The following ADAM32 variants were observed in gnomAD, a reference collection of about 807,000 sequenced individuals.
ADAM32 encodes the protein disintegrin and metalloproteinase domain-containing protein 32.
Under a neutral mutation model 114.9 loss-of-function variants are expected in ADAM32, and 89 were observed. The ratio of observed to expected loss-of-function variants is 0.77; its 90% CI spans 0.65 to 0.92. The LOEUF (loss-of-function observed/expected upper bound fraction) is 0.92. Among genes scored for constraint, ADAM32 ranks in the 40% least tolerant of loss-of-function variants. The pLI is 0.00. For missense variants in ADAM32, 870 were observed against 932.8 expected, an observed-to-expected ratio of 0.93 and a Z score of 0.88; for synonymous variants, 285 against 307.5, an observed-to-expected ratio of 0.93 and a Z score of 0.77.
In ADAM32 at chr8:39,160,925, C is replaced by G; in HGVS notation, c.554C>G (p.Pro185Arg). 6.3e-7 allele frequency: 1 copy of G among 1,598,014 alleles called. No homozygotes were observed. The highest frequency in any genetic ancestry group is 8.5e-7 in the Non-Finnish European group (1 of 1,172,842). The change falls in exon 7 of 25, where the codon CCT (proline) becomes CGT (arginine). Residue 185 changes from proline (P) to arginine (R), a missense_variant. Coordinates refer to ENST00000379907, the MANE Select transcript of ADAM32 (RefSeq NM_145004.7). The stretch of plus-strand genomic sequence containing the variant: ...GAACCAGCTGTTCCAGATTTATTTC[C>G]TCTTTATCTAGAAATGCATATTGTG... ...KSEPAVPDLF[P>R]LYLEMHIVVD...
At chr8:39,261,676 G>A (rs1812038873) in intron 19 of ADAM32, among the ~76,000 whole-genome samples, 1 of 152,078 alleles carries the variant, frequency 6.6e-6, no homozygotes, top group Non-Finnish European at 1.5e-5. Context: ...CCCATCAACA[G>A]TGTCCCTTTT....
intron 2 of ADAM32, among the ~76,000 whole-genome samples, chr8:39,120,215 C>T (rs1236074432): frequency 6.6e-6 from 1 of 152,084 alleles, no homozygotes; most frequent in Non-Finnish European, 1.5e-5. Context: ...AAGTGGGGTG[C>T]TGCTGTAACA....
At position 39,165,027 on chromosome 8, in the gene ADAM32, T is replaced by C. The variant is rs904007383; in HGVS notation, c.667-3T>C. The stretch of plus-strand genomic sequence containing the variant: ...TGCATGTATTTATCTCTTCTGTTTT[T>C]AGATGTTCACCCAATTTAAAGTTAC... On this transcript the variant is annotated splice_polypyrimidine_tract_variant and splice_region_variant and intron_variant, in intron 8 of 24. Coordinates refer to ENST00000379907, the MANE Select transcript of ADAM32 (RefSeq NM_145004.7). 3 of 1,588,902 alleles carry C rather than the reference T, an allele frequency of 1.9e-6. No individual in the cohort carries two copies. In the African/African-American group the frequency reaches 4.1e-5, roughly 22 times the overall value.
At chr8:39,141,822 T>C (rs1803173463) in intron 3 of ADAM32, among the ~76,000 whole-genome samples, 1 of 152,138 alleles carries the variant, frequency 6.6e-6, no homozygotes, top group Non-Finnish European at 1.5e-5. Flanking sequence ...TGTGTGGGAG[T>C]CTAAGTCTCT....
intron 19 of ADAM32, among the ~76,000 whole-genome samples, chr8:39,266,594 C>A (rs1000107572): frequency 6.6e-6 from 1 of 152,120 alleles, no homozygotes; most frequent in Non-Finnish European, 1.5e-5. Context: ...TGAGTTTCGA[C>A]CTTCTGTATG....
At chr8:39,157,482 TCAG>T in intron 6 of ADAM32, 1 of 369,354 alleles carries the variant, frequency 2.7e-6, no homozygotes. Context: ...TCTTTTTTTT[TCAG>T]TGTCAGATAA....
At chr8:39,192,361 G>A (rs1476357737) in intron 11 of ADAM32, among the ~76,000 whole-genome samples, 1 of 152,002 alleles carries the variant, frequency 6.6e-6, no homozygotes, top group East Asian at 1.9e-4. Flanking sequence ...TTCTCCATTT[G>A]CTTGGTAGAT....
In ADAM32 at chr8:39,247,149, G is replaced by A. The variant is rs369718611; in HGVS notation, c.1902+983G>A. Among the ~76,000 whole-genome samples the A allele has an allele frequency of 1.5e-4, 23 of 152,224 alleles. No homozygotes were observed. In the East Asian group the frequency reaches 3.9e-3, roughly 26 times the overall value. ...TCCAAGTTTGGTAATTACAAATAAA[G>A]TTTCTATAAACATCCTTCTGCAGGT... On this transcript the variant is annotated intron_variant, in intron 17 of 24. Coordinates refer to ENST00000379907, the MANE Select transcript of ADAM32 (RefSeq NM_145004.7).
At chr8:39,273,586 GTTA>G (rs1256045481) in intron 20 of ADAM32, among the ~76,000 whole-genome samples, 1 of 152,024 alleles carries the variant, frequency 6.6e-6, no homozygotes, top group Non-Finnish European at 1.5e-5. Flanking sequence ...ACCAAAACCA[GTTA>G]TTATTATCAT....
At chr8:39,120,190 G>A (rs1023875599) in intron 2 of ADAM32, among the ~76,000 whole-genome samples, 3 of 152,138 alleles carry the variant, frequency 2.0e-5, no homozygotes, top group East Asian at 1.9e-4. Flanking sequence ...AGAGTAATCC[G>A]ATTTTGGTAT....
At chr8:39,113,618 T>C (rs375646408) in intron 1 of ADAM32, among the ~76,000 whole-genome samples, 27 of 152,230 alleles carry the variant, frequency 1.8e-4, no homozygotes, top group South Asian at 6.2e-4. Context: ...CCAAGAAACT[T>C]TGGGGTTGTA....
rs1258019709 is a variant in ADAM32 at position 39,174,669 on chromosome 8, C to T, written c.915+4672C>T. ...TGCTATCCCTCCCCCCTCCCCCGAC[C>T]CCACAACAGTACCCAGAGTGTGATA... On this transcript the variant is annotated intron_variant, in intron 10 of 24. Transcript: ENST00000379907. 2.5e-5 allele frequency among the ~76,000 whole-genome samples: 3 copies of T among 119,382 alleles called. No individual in the cohort carries two copies. The Admixed American group carries it at 2.9e-4, about 12-fold the overall frequency. The allele number at this position is 119,382 out of a possible 152,430, so 78.3% of individuals were successfully genotyped here. A position where few individuals can be genotyped will look rare whatever the true frequency, so the allele number is the denominator to read the frequency against.
intron 6 of ADAM32, among the ~76,000 whole-genome samples, chr8:39,156,809 C>T (rs1244105402): frequency 6.6e-6 from 1 of 152,132 alleles, no homozygotes; most frequent in Admixed American, 6.5e-5. Flanking sequence ...TATAAAGATA[C>T]CAGTTACATT....
At position 39,137,485 on chromosome 8, in the gene ADAM32, G is replaced by A. The variant is rs537064688; in HGVS notation, c.200+767G>A. On this transcript the variant is annotated intron_variant, in intron 3 of 24. Coordinates refer to ENST00000379907, the MANE Select transcript of ADAM32 (RefSeq NM_145004.7). ...AAAGAGAGATGAAAGATGTAAACAA[G>A]CTGGGCGCGGTGGCTTTCGTCTGTA... Among the ~76,000 whole-genome samples, 13 of 152,264 alleles carry A rather than the reference G, an allele frequency of 8.5e-5. No homozygotes were observed. The South Asian group carries it at 2.3e-3, about 27-fold the overall frequency.
intron 6 of ADAM32, among the ~76,000 whole-genome samples, chr8:39,156,480 C>A (rs952571632): frequency 6.6e-6 from 1 of 152,170 alleles, no homozygotes. Flanking sequence ...ATGTATTTAC[C>A]TTTACTGTGT....
intron 17 of ADAM32, among the ~76,000 whole-genome samples, chr8:39,248,114 G>C (rs768410852): frequency 6.6e-6 from 1 of 152,010 alleles, no homozygotes; most frequent in Non-Finnish European, 1.5e-5. Context: ...GTTGAAGTTG[G>C]GTAGTGTTAG....
chr8:39,272,003 GA>G (rs772995128), intron 20 of ADAM32, among the ~76,000 whole-genome samples: 12 of 146,006 alleles, frequency 8.2e-5, no homozygotes, highest in Admixed American at 1.4e-4. Flanking sequence ...ATGGTGGCAT[GA>G]GCCTGTGGTC....
intron 13 of ADAM32, among the ~76,000 whole-genome samples, chr8:39,222,524 A>G (rs995210882): frequency 4.6e-5 from 7 of 152,038 alleles, no homozygotes; most frequent in Non-Finnish European, 8.8e-5. Flanking sequence ...TATTTCCATG[A>G]TTTGAGAGAA....
intron 9 of ADAM32, chr8:39,166,545 T>G (rs561194516): frequency 1.8e-4 from 27 of 152,228 alleles, no homozygotes; most frequent in Non-Finnish European, 3.5e-4. Context: ...TTCCTCTGGG[T>G]AGATACCCAG....
Sources: allele counts gnomAD v4.1 joint callset (sites outside exome capture counted in the v4.1 genomes callset), GRCh38; gene constraint gnomAD v4.1.1; transcripts MANE v1.5; gene names NCBI Gene and HGNC (gene_info 2026-07-23, HGNC 2026-07-21).